The following ZNF490 variants were observed in gnomAD, a reference collection of about 807,000 sequenced individuals.
ZNF490 encodes zinc finger protein 490.
Under a neutral mutation model 17.7 loss-of-function variants are expected in ZNF490, and 11 were observed. That is an observed-to-expected ratio of 0.62 (90% CI 0.39 to 1.03). ZNF490 has a LOEUF of 1.03. ZNF490 is among the 50% of genes least tolerant of loss of function. The pLI is 0.00. For synonymous variants in ZNF490, 222 were observed against 216.1 expected (o/e 1.03, Z -0.24); for missense variants, 542 against 643.4 (o/e 0.84, Z 1.71).
intron 2 of ZNF490, among the ~76,000 whole-genome samples, chr19:12,594,053 A>T (rs1304744281): frequency 6.6e-6 from 1 of 152,196 alleles, no homozygotes; most frequent in Non-Finnish European, 1.5e-5. Context: ...GTACAAGGTG[A>T]TCATTGCAGC....
intron 2 of ZNF490, among the ~76,000 whole-genome samples, chr19:12,607,589 A>C (rs1386212214): frequency 6.6e-6 from 1 of 152,066 alleles, no homozygotes; most frequent in Non-Finnish European, 1.5e-5. Context: ...GCCACCACAT[A>C]TACTGAGCAC....
chr19:12,610,311 T>TC (rs2023131727), intron 1 of ZNF490, among the ~76,000 whole-genome samples: 1 of 7,128 alleles, frequency 1.4e-4, no homozygotes, highest in Non-Finnish European at 3.1e-4. Context: ...CCCCCCGACC[T>TC]CCCCCACCGC....
chr19:12,607,506 A>ATAATAG (rs1250829260), intron 2 of ZNF490, among the ~76,000 whole-genome samples: 1 of 151,996 alleles, frequency 6.6e-6, no homozygotes, highest in African/African-American at 2.4e-5. Flanking sequence ...GTGACAGAAC[A>ATAATAG]TAATAGTAAT....
intron 2 of ZNF490, among the ~76,000 whole-genome samples, chr19:12,584,642 T>G (rs2022793748): frequency 2.1e-5 from 2 of 94,474 alleles, no homozygotes; most frequent in South Asian, 5.6e-4. Context: ...GAGATTTTAA[T>G]AAATGAATAC....
chr19:12,606,741 G>T lies in ZNF490; in HGVS notation c.162+2417C>A, dbSNP rs185443976. 6.8e-3 allele frequency among the ~76,000 whole-genome samples: 1,028 copies of T among 152,022 alleles called. 9 individuals carry two copies. The highest frequency in any genetic ancestry group is 0.011 in the Non-Finnish European group (744 of 67,982). On this transcript the variant is annotated intron_variant, in intron 2 of 4. Transcript: ENST00000311437. The stretch of plus-strand genomic sequence containing the variant: ...ATCACTGGAAGATTTTTATTTTAAT[G>T]ATCAGCAAAGGCCTAAAAGTCCATG...
rs186138320 is a variant in ZNF490, at chr19:12,579,846, A to G, written c.*639T>C. On this transcript the variant is annotated 3_prime_UTR_variant, in exon 5 of 5. Coordinates refer to ENST00000311437, the MANE Select transcript of ZNF490 (RefSeq NM_020714.3). ...AAAAAGGTTGGGTGCTGTGGCTCAC[A>G]CCTGTAATCCCAGCACTTTGGGAGG... 2.2e-3 allele frequency: 331 copies of G among 151,544 alleles called. 1 individual carries two copies. The East Asian group carries it at 0.026, about 12-fold the overall frequency. 9.4% of individuals were successfully genotyped at this position (151,544 alleles called of 1,614,324 possible).
At chr19:12,608,923 C>G (rs897521427) in intron 2 of ZNF490, among the ~76,000 whole-genome samples, 3 of 152,048 alleles carry the variant, frequency 2.0e-5, no homozygotes, top group South Asian at 2.1e-4. Context: ...ATGTGATATT[C>G]CAAAGGATGC....
intron 2 of ZNF490, among the ~76,000 whole-genome samples, chr19:12,608,561 C>A (rs1024748162): frequency 8.5e-5 from 13 of 152,094 alleles, no homozygotes; most frequent in South Asian, 6.2e-4. Context: ...ACCTCCTCCT[C>A]CCAGATTCAA....
Position 12,581,589 on chromosome 19 carries a change from C to G in ZNF490, c.486G>C (p.Gly162=), listed in dbSNP as rs372225171. 7 of 1,613,954 alleles carry G rather than the reference C, an allele frequency of 4.3e-6. No homozygotes were observed. The East Asian group carries it at 6.7e-5, about 15-fold the overall frequency. ...GLKPCDCSVC[G]EVFMHQVSLN... ...GGGAGACCTGATGCATGAAGACTTC[C>G]CCACACACACTGCAGTCACATGGTT... The change falls in exon 5 of 5, where the codon GGG becomes GGC. Residue 162 remains glycine, a synonymous_variant. Coordinates refer to ENST00000311437, the MANE Select transcript of ZNF490 (RefSeq NM_020714.3).
In ZNF490 at chr19:12,610,548, G is replaced by A; in HGVS notation, c.117+16C>T. Reference sequence around the variant, plus strand: ...TCCACGAGAGGCCTTACAACATTATGCCAAGCCCCTGGTACCTGGAGGACA... The same window carrying A: ...TCCACGAGAGGCCTTACAACATTATACCAAGCCCCTGGTACCTGGAGGACA... On this transcript the variant is annotated intron_variant, in intron 1 of 4. Transcript: ENST00000311437. The A allele has an allele frequency of 1.9e-6, 3 of 1,600,620 alleles. No individual in the cohort carries two copies. The highest frequency in any genetic ancestry group is 2.6e-6 in the Non-Finnish European group (3 of 1,167,988).
At chr19:12,601,735 G>C (rs570787351) in intron 2 of ZNF490, among the ~76,000 whole-genome samples, 2 of 152,256 alleles carry the variant, frequency 1.3e-5, no homozygotes, top group Non-Finnish European at 2.9e-5. Flanking sequence ...GCATAGGCCT[G>C]TAATCCCAGC....
chr19:12,583,804 TA>T (rs1278220739), intron 2 of ZNF490, among the ~76,000 whole-genome samples: 26 of 118,378 alleles, frequency 2.2e-4, no homozygotes, highest in African/African-American at 8.1e-4. Context: ...TATATATATA[TA>T]TATATATTTT....
intron 2 of ZNF490, among the ~76,000 whole-genome samples, chr19:12,605,483 T>A (rs1198558292): frequency 6.8e-6 from 1 of 146,840 alleles, no homozygotes; most frequent in African/African-American, 2.5e-5. Flanking sequence ...CCTGCTCTAT[T>A]AAAAAAAAAA....
Position 12,586,941 on chromosome 19 carries a change from A to G in ZNF490, c.163-3385T>C, listed in dbSNP as rs2022811416. Among the ~76,000 whole-genome samples, 2 of 91,746 alleles carry G rather than the reference A, an allele frequency of 2.2e-5. 1 individual carries two copies. The highest frequency in any genetic ancestry group is 5.8e-5 in the Non-Finnish European group (2 of 34,242). The allele number at this position is 91,746 out of a possible 152,430, so 60.2% of individuals were successfully genotyped here. A position where few individuals can be genotyped will look rare whatever the true frequency, so the allele number is the denominator to read the frequency against. Reference sequence around the variant, plus strand: ...CAAAATTAGTCAGGTGCAGCGGCACATGCCTGTAATCCCAGCTACTCACGA... The same window carrying G: ...CAAAATTAGTCAGGTGCAGCGGCACGTGCCTGTAATCCCAGCTACTCACGA... On this transcript the variant is annotated intron_variant, in intron 2 of 4. Transcript: ENST00000311437.
Position 12,578,199 on chromosome 19 carries a change from G to C in ZNF490, c.*2286C>G, listed in dbSNP as rs796201028. On this transcript the variant is annotated 3_prime_UTR_variant, in exon 5 of 5. Coordinates refer to ENST00000311437, the MANE Select transcript of ZNF490 (RefSeq NM_020714.3). The stretch of plus-strand genomic sequence containing the variant: ...ACGTGAGAAGGCCGGAGCATCATCA[G>C]TGCATATGCCGCTGAATATCTCAGG... The C allele has an allele frequency of 8.1e-6, 8 of 985,532 alleles. No homozygotes were observed. In the African/African-American group the frequency reaches 1.4e-4, roughly 17 times the overall value. The allele number at this position is 985,532 out of a possible 1,614,324, so 61.0% of individuals were successfully genotyped here. A position where few individuals can be genotyped will look rare whatever the true frequency, so the allele number is the denominator to read the frequency against.
intron 2 of ZNF490, among the ~76,000 whole-genome samples, chr19:12,589,162 T>C (rs2022836747): frequency 1.3e-5 from 2 of 151,828 alleles, no homozygotes; most frequent in Admixed American, 6.6e-5. Context: ...TCTCTACAAA[T>C]ACAAAATTAC....
In ZNF490 at chr19:12,585,513, T is replaced by C. The variant is rs1170665811; in HGVS notation, c.163-1957A>G. ...GAGGGTCCATTACCCTTATCACTCA[T>C]GAAATTCCAAGAGATTTAGGAACTC... On this transcript the variant is annotated intron_variant, in intron 2 of 4. Transcript: ENST00000311437. Among the ~76,000 whole-genome samples, 2 of 92,950 alleles carry C rather than the reference T, an allele frequency of 2.2e-5. 1 individual carries two copies. Among genetic ancestry groups the C allele is most frequent in the Non-Finnish European group, 5.8e-5 (2 of 34,630 alleles). 61.0% of individuals were successfully genotyped at this position (92,950 alleles called of 152,430 possible).
chr19:12,582,306 G>A (rs1174808812), intron 4 of ZNF490, among the ~76,000 whole-genome samples: 1 of 151,960 alleles, frequency 6.6e-6, no homozygotes, highest in African/African-American at 2.4e-5. Flanking sequence ...TGACCAGGCT[G>A]GTGTTGAACT....
At position 12,581,547 on chromosome 19, in the gene ZNF490, T is replaced by C; in HGVS notation, c.528A>G (p.Arg176=). The C allele has an allele frequency of 6.2e-7, 1 of 1,614,142 alleles. No individual in the cohort carries two copies. Among genetic ancestry groups the C allele is most frequent in the South Asian group, 1.1e-5 (1 of 91,088 alleles). ...MHQVSLNRHM[R]SHTEQKPNEC... ...CATTTGGTTTCTGTTCAGTGTGAGATCTCATGTGCCTATTAAGGGAGACCT... is the reference window on the plus strand; with the variant it reads ...CATTTGGTTTCTGTTCAGTGTGAGACCTCATGTGCCTATTAAGGGAGACCT... The change falls in exon 5 of 5, where the codon AGA becomes AGG. Residue 176 remains arginine (R), a synonymous_variant. Transcript: ENST00000311437.
Sources: gnomAD v4.1 joint callset for allele counts (sites outside exome capture counted in the v4.1 genomes callset) on GRCh38, gnomAD v4.1.1 for gene constraint, MANE v1.5 for transcripts, NCBI Gene and HGNC (gene_info 2026-07-23, HGNC 2026-07-21) for gene names.